CALN1: variants seen among roughly 807,000 people sequenced by gnomAD.
CALN1 encodes calcium-binding protein 8.
Under a neutral mutation model 30.6 loss-of-function variants are expected in CALN1, and 17 were observed. The observed-to-expected ratio is 0.56, with a 90% CI of 0.38 to 0.83. The LOEUF is 0.83. Among genes scored for constraint, CALN1 ranks in the 40% least tolerant of loss-of-function variants. The probability of loss-of-function intolerance (pLI) is 0.00; values close to 1 mark genes in which losing one functional copy is unlikely to be tolerated. For synonymous variants in CALN1, 156 were observed against 131.4 expected, an observed-to-expected ratio of 1.19 and a Z score of -1.28; for missense variants, 291 against 354.9, an observed-to-expected ratio of 0.82 and a Z score of 1.45.
intron 5 of CALN1, among the ~76,000 whole-genome samples, chr7:71,967,995 C>A (rs1017375907): frequency 2.0e-5 from 3 of 152,180 alleles, no homozygotes; most frequent in Non-Finnish European, 2.9e-5. Flanking sequence ...TAAAGTTAAA[C>A]ATACATTTCT....
Position 72,211,866 on chromosome 7 carries a change from G to C in CALN1, c.244+66820C>G, listed in dbSNP as rs373869439. 9.8e-4 allele frequency among the ~76,000 whole-genome samples: 149 copies of C among 152,222 alleles called. 1 individual carries two copies. The highest frequency in any genetic ancestry group is 6.8e-3 in the Middle Eastern group (2 of 294). On this transcript the variant is annotated intron_variant, in intron 3 of 6. Coordinates refer to ENST00000395275, the MANE Select transcript of CALN1 (RefSeq NM_031468.4). ...TCTCAAATGGAAATATGATAGTGTTGTGCAGAGAATTAAAGAAGATGATGA... is the reference window on the plus strand; with the variant it reads ...TCTCAAATGGAAATATGATAGTGTTCTGCAGAGAATTAAAGAAGATGATGA...
chr7:71,950,304 G>T (rs1172713721), intron 5 of CALN1, among the ~76,000 whole-genome samples: 2 of 152,120 alleles, frequency 1.3e-5, no homozygotes, highest in African/African-American at 4.8e-5. Flanking sequence ...TTTTACAGGT[G>T]AGGAAACTGA....
At chr7:72,458,695 A>T in the CALN1 span, among the ~76,000 whole-genome samples, 1 of 55,554 alleles carries the variant, frequency 1.8e-5, no homozygotes, top group Non-Finnish European at 2.9e-5. Context: ...ATTTTATAAT[A>T]TATTCTATAT....
chr7:71,790,393 AAAGAAAGAAAGAAAG>A lies in CALN1; in HGVS notation c.659-2506_659-2492del, dbSNP rs1347653081. On this transcript the variant is annotated intron_variant, in intron 6 of 6. Transcript: ENST00000395275. ...AAAAGAAAGAAAGAAAGAAAGAAAGAAAGAAAGAAAGAAAGAAAGAAAGAAAGAAAGAAGCAAGCA... is the reference window on the plus strand; with the variant it reads ...AAAAGAAAGAAAGAAAGAAAGAAAGAAAAGAAAGAAAGAAAGAAGCAAGCA... 7.4e-4 allele frequency among the ~76,000 whole-genome samples: 81 copies of A among 108,770 alleles called. 2 individuals are homozygous for A. The highest frequency in any genetic ancestry group is 3.5e-3 in the African/African-American group (80 of 22,770). The allele number at this position is 108,770 out of a possible 152,430, so 71.4% of individuals were successfully genotyped here.
intron 1 of CALN1, among the ~76,000 whole-genome samples, chr7:72,408,584 T>G (rs13237780): frequency 6.6e-6 from 1 of 151,650 alleles, no homozygotes; most frequent in Admixed American, 6.6e-5. Context: ...TTTGTATAAA[T>G]TCATGGGATA....
At chr7:72,110,249 G>C (rs1807469179) in intron 3 of CALN1, among the ~76,000 whole-genome samples, 1 of 152,158 alleles carries the variant, frequency 6.6e-6, no homozygotes, top group African/African-American at 2.4e-5. Context: ...CTAGCTGGGG[G>C]TGTTTGAGAA....
intron 5 of CALN1, among the ~76,000 whole-genome samples, chr7:71,820,090 A>T (rs889978527): frequency 6.6e-6 from 1 of 152,256 alleles, no homozygotes; most frequent in Admixed American, 6.5e-5. Flanking sequence ...TAGGACAAGG[A>T]ACACTTACAA....
At chr7:72,137,225 G>A (rs898971124) in intron 3 of CALN1, among the ~76,000 whole-genome samples, 3 of 152,096 alleles carry the variant, frequency 2.0e-5, no homozygotes, top group African/African-American at 7.2e-5. Context: ...GGTCAGAGAG[G>A]GGTTTATCTT....
chr7:72,438,649 C>T (rs1357101532), intron 1 of CALN1, among the ~76,000 whole-genome samples: 1 of 152,090 alleles, frequency 6.6e-6, no homozygotes, highest in Non-Finnish European at 1.5e-5. Flanking sequence ...TGGCTTCTAC[C>T]TCCATCACTC....
At chr7:71,952,608 T>A (rs1462867306) in intron 5 of CALN1, among the ~76,000 whole-genome samples, 1 of 152,182 alleles carries the variant, frequency 6.6e-6, no homozygotes, top group African/African-American at 2.4e-5. Context: ...AAGGAAGCCA[T>A]GGCTGCATTA....
At chr7:71,957,030 C>T (rs944358643) in intron 5 of CALN1, among the ~76,000 whole-genome samples, 5 of 152,072 alleles carry the variant, frequency 3.3e-5, no homozygotes, top group Admixed American at 1.3e-4. Context: ...TCAATCCCTT[C>T]ATCTCCCTTC....
chr7:72,428,548 C>T (rs1246402502), intron 1 of CALN1, among the ~76,000 whole-genome samples: 3 of 152,072 alleles, frequency 2.0e-5, no homozygotes, highest in Non-Finnish European at 4.4e-5. Flanking sequence ...CATGCCATCA[C>T]GTCCAGCTAA....
intron 2 of CALN1, among the ~76,000 whole-genome samples, chr7:72,378,070 C>T (rs1053233841): frequency 6.6e-6 from 1 of 151,544 alleles, no homozygotes; most frequent in African/African-American, 2.4e-5. Context: ...TTGGCTTAAA[C>T]AGCAGGAACT....
In CALN1 at chr7:71,780,614, A is replaced by G. The variant is rs143469864; in HGVS notation, c.*7161T>C. 1 of 151,806 alleles carries G rather than the reference A, an allele frequency of 6.6e-6. No individual in the cohort carries two copies. The highest frequency in any genetic ancestry group is 6.6e-5 in the Admixed American group (1 of 15,230). 9.4% of individuals were successfully genotyped at this position (151,806 alleles called of 1,614,324 possible). A position where few individuals can be genotyped will look rare whatever the true frequency, so the allele number is the denominator to read the frequency against. On this transcript the variant is annotated 3_prime_UTR_variant, in exon 7 of 7. Transcript: ENST00000395275. ...ATCTAATTCCTCACAATCACCAAAG[A>G]TCACGACTCTCTTCTTTCTGGGGTA...
At chr7:72,027,565 G>A (rs538803199) in intron 4 of CALN1, among the ~76,000 whole-genome samples, 2 of 151,944 alleles carry the variant, frequency 1.3e-5, no homozygotes, top group South Asian at 4.2e-4. Flanking sequence ...ACAAAAATTA[G>A]CCAGGTGTGG....
chr7:72,182,815 C>T (rs989666160), intron 3 of CALN1, among the ~76,000 whole-genome samples: 4 of 149,978 alleles, frequency 2.7e-5, no homozygotes, highest in Non-Finnish European at 5.9e-5. Flanking sequence ...TAGATAGGAA[C>T]ACTAGCTTCT....
At chr7:72,108,270 C>A (rs1411128474) in intron 3 of CALN1, among the ~76,000 whole-genome samples, 2 of 152,216 alleles carry the variant, frequency 1.3e-5, no homozygotes, top group Non-Finnish European at 2.9e-5. Flanking sequence ...AGGGACCACT[C>A]AGATAATCCA....
At chr7:72,104,906 G>A (rs746508877) in intron 4 of CALN1, among the ~76,000 whole-genome samples, 69 of 152,164 alleles carry the variant, frequency 4.5e-4, no homozygotes, top group Non-Finnish European at 9.3e-4. Context: ...GCAGTGAGTT[G>A]AGATCGCATC....
At chr7:72,299,957 G>A (rs564081785) in intron 2 of CALN1, among the ~76,000 whole-genome samples, 117 of 152,108 alleles carry the variant, frequency 7.7e-4, no homozygotes, top group African/African-American at 2.5e-3. Context: ...GAGAGCAGTG[G>A]CACGATCTCT....
Sources: gnomAD v4.1 joint callset for allele counts (sites outside exome capture counted in the v4.1 genomes callset) on GRCh38, gnomAD v4.1.1 for gene constraint, MANE v1.5 for transcripts, NCBI Gene and HGNC (gene_info 2026-07-23, HGNC 2026-07-21) for gene names.